VWA5B2: variants seen among roughly 807,000 people sequenced by gnomAD.
VWA5B2 encodes the protein von Willebrand factor A domain-containing protein 5B2.
In VWA5B2, 93 loss-of-function variants were observed where a neutral mutation model predicts 118.5. The observed-to-expected ratio is 0.79, with a 90% CI of 0.66 to 0.93. The LOEUF is 0.93. Ranked by LOEUF, VWA5B2 falls within the 40% of genes least tolerant of loss-of-function variation. The pLI is 0.00. For missense variants in VWA5B2, 1,546 were observed against 1,672.8 expected (o/e 0.92, Z 1.32); for synonymous variants, 708 against 716.3 (o/e 0.99, Z 0.19).
chr3:184,230,955 C>G (rs1717331729), intron 3 of VWA5B2, 38 bp downstream of exon 3: 1 of 1,208,558 alleles, frequency 8.3e-7, no homozygotes, highest in Non-Finnish European at 1.0e-6. Flanking sequence ...TCCTGAAAGC[C>G]GGGCGCAGCT....
intron 1 of VWA5B2, among the ~76,000 whole-genome samples, chr3:184,230,055 G>A (rs1345640416): frequency 6.6e-6 from 1 of 152,136 alleles, no homozygotes; most frequent in Non-Finnish European, 1.5e-5. Flanking sequence ...GCAGGGCCGG[G>A]GGCCTCCGGG....
At position 184,242,060 on chromosome 3, in the gene VWA5B2, G is replaced by A. The variant is rs200329431; in HGVS notation, c.*22G>A. On this transcript the variant is annotated 3_prime_UTR_variant, in exon 20 of 20. Coordinates refer to ENST00000691901, the MANE Select transcript of VWA5B2 (RefSeq NM_001390846.1). ...GTGAAGGCTGCCCCCTGCTGCTTGG[G>A]CTGGCGCCCCACCCAACACACTCAA... The A allele has an allele frequency of 1.2e-4, 186 of 1,545,504 alleles. No homozygotes were observed. Among genetic ancestry groups the A allele is most frequent in the Middle Eastern group, 6.7e-4 (4 of 6,010 alleles).
chr3:184,230,889 G>T lies in VWA5B2; in HGVS notation c.282G>T (p.Gly94=). ...ACCRALGPGL[G]TPTPRRCAQG... ...GCCGCGCTCTGGGCCCGGGGCTGGG[G>T]ACCCCGACGCCCCGCCGCTGCGCGC... Residue 94 remains glycine (G), a synonymous_variant, in exon 3 of 20, where the codon GGG becomes GGT. Coordinates refer to ENST00000691901, the MANE Select transcript of VWA5B2 (RefSeq NM_001390846.1). 1 of 1,224,340 alleles carries T rather than the reference G, an allele frequency of 8.2e-7. No homozygotes were observed. Among genetic ancestry groups the T allele is most frequent in the South Asian group, 3.7e-5 (1 of 26,720 alleles). The allele number at this position is 1,224,340 out of a possible 1,614,324, so 75.8% of individuals were successfully genotyped here. A position where few individuals can be genotyped will look rare whatever the true frequency, so the allele number is the denominator to read the frequency against.
At chr3:184,235,023 G>A (rs989614671) in intron 7 of VWA5B2, 130 bp from the exon 8 acceptor site, 174 of 1,242,924 alleles carry the variant, frequency 1.4e-4, no homozygotes, top group Middle Eastern at 1.9e-4. Context: ...GCCTTTATTC[G>A]AATTACTACA....
At position 184,242,047 on chromosome 3, in the gene VWA5B2, C is replaced by T; in HGVS notation, c.*9C>T. Reference sequence around the variant, plus strand: ...GCCCAGCGAACGTGTGAAGGCTGCCCCCTGCTGCTTGGGCTGGCGCCCCAC... The same window carrying T: ...GCCCAGCGAACGTGTGAAGGCTGCCTCCTGCTGCTTGGGCTGGCGCCCCAC... On this transcript the variant is annotated 3_prime_UTR_variant, in exon 20 of 20. Coordinates refer to ENST00000691901, the MANE Select transcript of VWA5B2 (RefSeq NM_001390846.1). 4 of 1,547,946 alleles carry T rather than the reference C, an allele frequency of 2.6e-6. No individual in the cohort carries two copies. The highest frequency in any genetic ancestry group is 2.4e-5 in the East Asian group (1 of 40,894).
chr3:184,238,969 C>T lies in VWA5B2; in HGVS notation c.2202+96C>T. Reference sequence around the variant, plus strand: ...TATTATGTAGAGTTTACTATTAAGTCTAGCTAGAGAGAAAGGTGGGTAAAT... The same window carrying T: ...TATTATGTAGAGTTTACTATTAAGTTTAGCTAGAGAGAAAGGTGGGTAAAT... On this transcript the variant is annotated intron_variant, in intron 14 of 19. Transcript: ENST00000691901. This position sits in a 1 kb window ranked among gnomAD's most constrained non-coding sequence, Gnocchi z 5.0. The T allele has an allele frequency of 7.7e-7, 1 of 1,294,112 alleles. No individual in the cohort carries two copies. Among genetic ancestry groups the T allele is most frequent in the Non-Finnish European group, 1.0e-6 (1 of 962,298 alleles). 80.2% of individuals were successfully genotyped at this position (1,294,112 alleles called of 1,614,324 possible). A position where few individuals can be genotyped will look rare whatever the true frequency, so the allele number is the denominator to read the frequency against.
chr3:184,232,962 T>G, intron 3 of VWA5B2: 2 of 574,534 alleles, frequency 3.5e-6, no homozygotes, highest in South Asian at 4.2e-5. Context: ...ACTGCTGCTC[T>G]TGCCTGATGA....
chr3:184,240,181 C>T (rs939986913), intron 16 of VWA5B2, 145 bp downstream of exon 16: 14 of 654,686 alleles, frequency 2.1e-5, no homozygotes, highest in African/African-American at 3.7e-5. Flanking sequence ...AAAAATTAAG[C>T]GGGACAATGG....
intron 1 of VWA5B2, among the ~76,000 whole-genome samples, 140 bp from the exon 2 acceptor site, chr3:184,230,240 C>T (rs1396144370): frequency 1.3e-5 from 2 of 152,172 alleles, no homozygotes; most frequent in Non-Finnish European, 2.9e-5. Context: ...CCGGGGGAGC[C>T]GCGGCGGGAC....
chr3:184,238,928 C>A lies in VWA5B2; in HGVS notation c.2202+55C>A, dbSNP rs1718280554. On this transcript the variant is annotated intron_variant, in intron 14 of 19. Coordinates refer to ENST00000691901, the MANE Select transcript of VWA5B2 (RefSeq NM_001390846.1). The surrounding 1 kb of genome is among the most constrained non-coding windows in gnomAD (Gnocchi z 5.0). ...GTATCCAGCAAATATTTATTTACCA[C>A]CTGCTGTGCACCAGATATTATGTAG... 2 of 1,420,496 alleles carry A rather than the reference C, an allele frequency of 1.4e-6. No homozygotes were observed. The highest frequency in any genetic ancestry group is 2.9e-5 in the African/African-American group (2 of 69,402). 88.0% of individuals were successfully genotyped at this position (1,420,496 alleles called of 1,614,324 possible).
intron 5 of VWA5B2, 29 bp from the exon 6 acceptor site, chr3:184,234,237 T>C: frequency 6.5e-7 from 1 of 1,549,012 alleles, no homozygotes; most frequent in Admixed American, 2.0e-5. Flanking sequence ...TATGGCTACA[T>C]CTCCCCTTCC....
In VWA5B2 at chr3:184,242,015, TGCTACA is replaced by T. The variant is rs1472462830; in HGVS notation, c.3709_3714del (p.Tyr1237_Ser1238del). On this transcript the variant is annotated inframe_deletion, in exon 20 of 20. Coordinates refer to ENST00000691901, the MANE Select transcript of VWA5B2 (RefSeq NM_001390846.1). ...CCAAAACCTGCAGCTACACCTGCTG[TGCTACA>T]GCCCAGCGAACGTGTGAAGGCTGCC... 22 of 1,550,028 alleles carry T rather than the reference TGCTACA, an allele frequency of 1.4e-5. No individual in the cohort carries two copies. The highest frequency in any genetic ancestry group is 2.0e-5 in the Admixed American group (1 of 50,984).
Position 184,233,603 on chromosome 3 carries a change from C to T in VWA5B2, c.558C>T (p.Ser186=), listed in dbSNP as rs1410108525. The change falls in exon 5 of 20, where the codon AGC becomes AGT. Residue 186 remains serine (S), a synonymous_variant. Coordinates refer to ENST00000691901, the MANE Select transcript of VWA5B2 (RefSeq NM_001390846.1). The surrounding 1 kb of genome is among the most constrained non-coding windows in gnomAD (Gnocchi z 5.2). ...DSPTSCFGVG[S]LQEEGLAWEE... ...CCACCAGCTGCTTCGGGGTGGGCAG[C>T]CTTCAGGAGGAAGGGCTGGCCTGGG... is the stretch of plus-strand genomic sequence containing the variant. 8 of 1,550,982 alleles carry T rather than the reference C, an allele frequency of 5.2e-6. No homozygotes were observed. The highest frequency in any genetic ancestry group is 6.1e-6 in the Non-Finnish European group (7 of 1,146,852).
Position 184,241,551 on chromosome 3 carries a change from G to GC in VWA5B2, c.3243dup (p.Ile1082HisfsTer39), listed in dbSNP as rs1718662907. On this transcript the variant is annotated frameshift_variant, in exon 20 of 20. Coordinates refer to ENST00000691901, the MANE Select transcript of VWA5B2 (RefSeq NM_001390846.1). LOFTEE classifies it high-confidence loss of function. This position sits in a 1 kb window ranked among gnomAD's most constrained non-coding sequence, Gnocchi z 5.1. ...GACGCGCCCTTCTGCGCCGCTGTGC[G>GC]CATCTCGCAGGAGCGCCTCTGCCGT... 1.7e-5 allele frequency: 27 copies of GC among 1,549,518 alleles called. No individual in the cohort carries two copies. The highest frequency in any genetic ancestry group is 2.2e-5 in the Non-Finnish European group (25 of 1,146,790).
Position 184,241,258 on chromosome 3 carries a change from G to C in VWA5B2, c.3034G>C (p.Asp1012His), listed in dbSNP as rs994773737. 6.4e-7 allele frequency: 1 copy of C among 1,551,186 alleles called. No homozygotes were observed. The highest frequency in any genetic ancestry group is 8.7e-7 in the Non-Finnish European group (1 of 1,146,940). Residue 1012 changes from aspartate to histidine, a missense_variant, in exon 19 of 20, where the codon GAC (aspartate) becomes CAC (histidine). Coordinates refer to ENST00000691901, the MANE Select transcript of VWA5B2 (RefSeq NM_001390846.1). The surrounding 1 kb of genome is among the most constrained non-coding windows in gnomAD (Gnocchi z 5.1). ...TGGCAACTCCAAGCGTGCTTTGGGG[G>C]ACCCTGCCACTCCCACGGAAGGTCC... ...QNGNSKRALG[D>H]PATPTEGPRR...
chr3:184,241,898 T>G lies in VWA5B2; in HGVS notation c.3589T>G (p.Trp1197Gly). The G allele has an allele frequency of 6.5e-7, 1 of 1,547,874 alleles. No individual in the cohort carries two copies. Among genetic ancestry groups the G allele is most frequent in the Non-Finnish European group, 8.7e-7 (1 of 1,146,810 alleles). ...ACTGACAGCGGCCAAGGCTGATTGC[T>G]GGCTGCGGGCCCAGCACTTGCCTGA... ...WELTAAKADC[W>G]LRAQHLPDGL... The change falls in exon 20 of 20, where the codon TGG (tryptophan) becomes GGG (glycine). Residue 1197 changes from tryptophan (W) to glycine (G), a missense_variant. This residue lies in a region of VWA5B2 where 763 missense variants were observed against 766.6 expected (regional missense o/e 1.00). Transcript: ENST00000691901. This position sits in a 1 kb window ranked among gnomAD's most constrained non-coding sequence, Gnocchi z 5.1.
At position 184,237,704 on chromosome 3, in the gene VWA5B2, A is replaced by G. The variant is rs1347601379; in HGVS notation, c.1719+293A>G. Reference sequence around the variant, plus strand: ...ACAGAAAACAGCACCTGCATTTGCTATGAGGTTTCCGTCAAGGCTTGCTCA... The same window carrying G: ...ACAGAAAACAGCACCTGCATTTGCTGTGAGGTTTCCGTCAAGGCTTGCTCA... On this transcript the variant is annotated intron_variant, in intron 12 of 19. Transcript: ENST00000691901. The surrounding 1 kb of genome is among the most constrained non-coding windows in gnomAD (Gnocchi z 5.6). Among the ~76,000 whole-genome samples the G allele has an allele frequency of 1.3e-5, 2 of 152,214 alleles. No homozygotes were observed. The highest frequency in any genetic ancestry group is 4.8e-5 in the African/African-American group (2 of 41,460).
chr3:184,237,382 G>T lies in VWA5B2; in HGVS notation c.1690G>T (p.Val564Leu). ...GCTCGGTTACTGCTCACTCTTCAGG[G>T]TGGATGGCTTCCGGTCCCGCCCACC... ...QLLGYCSLFR[V>L]DGFRSRPPGG... is the part of the protein sequence containing the mutation. Residue 564 changes from valine to leucine, a missense_variant, in exon 12 of 20, where the codon GTG becomes TTG. Around this residue, in one of 3 missense-constraint regions of VWA5B2, gnomAD observed 775 missense variants for 882.3 expected, o/e 0.88. Transcript: ENST00000691901. This position sits in a 1 kb window ranked among gnomAD's most constrained non-coding sequence, Gnocchi z 5.6. 1 of 1,550,646 alleles carries T rather than the reference G, an allele frequency of 6.4e-7. No individual in the cohort carries two copies. Among genetic ancestry groups the T allele is most frequent in the South Asian group, 1.2e-5 (1 of 84,048 alleles).
In VWA5B2 at chr3:184,241,925, G is replaced by A. The variant is rs978437340; in HGVS notation, c.3616G>A (p.Gly1206Ser). The A allele has an allele frequency of 2.6e-6, 4 of 1,547,456 alleles. No individual in the cohort carries two copies. Among genetic ancestry groups the A allele is most frequent in the Admixed American group, 2.0e-5 (1 of 50,778 alleles). Residue 1206 changes from glycine (G) to serine (S), a missense_variant, in exon 20 of 20, where the codon GGC (glycine) becomes AGC (serine). Physicochemically the swap from Gly to Ser is moderately conservative, Grantham distance 56. This residue lies in a region of VWA5B2 where 763 missense variants were observed against 766.6 expected (regional missense o/e 1.00). Coordinates refer to ENST00000691901, the MANE Select transcript of VWA5B2 (RefSeq NM_001390846.1). The surrounding 1 kb of genome is among the most constrained non-coding windows in gnomAD (Gnocchi z 5.1). ...CWLRAQHLPDGLDLAALKAAA... is the reference protein window; with the variant it reads ...CWLRAQHLPDSLDLAALKAAA... ...GCTGCGGGCCCAGCACTTGCCTGAC[G>A]GCCTTGACCTGGCCGCCCTCAAGGC...
Sources: gnomAD v4.1 joint callset for allele counts (sites outside exome capture counted in the v4.1 genomes callset) on GRCh38, gnomAD v4.1.1 for gene constraint, gnomAD v4.1.1 regional missense constraint, Gnocchi (gnomAD v3.1) non-coding constraint, MANE v1.5 for transcripts, NCBI Gene and HGNC (gene_info 2026-07-23, HGNC 2026-07-21) for gene names.